Variants in PKD2L1 observed in about 807,000 individuals in gnomAD.
PKD2L1 encodes polycystin 2 like 1, transient receptor potential cation channel, also known as polycystin-2-like protein 1.
A neutral mutation model predicts 93.0 loss-of-function variants in PKD2L1; 77 were observed. The observed-to-expected ratio is 0.83, with a 90% confidence interval of 0.69 to 1.00. The LOEUF is 1.00. PKD2L1 is among the 50% of genes least tolerant of loss of function. The pLI is 0.00. For missense variants in PKD2L1, 977 were observed against 990.9 expected (o/e 0.99, Z 0.19); for synonymous variants, 390 against 388.0 (o/e 1.01, Z -0.06).
chr10:100,296,647 C>T (rs1024299696), intron 6 of PKD2L1, among the ~76,000 whole-genome samples: 1 of 151,222 alleles, frequency 6.6e-6, no homozygotes, highest in East Asian at 1.9e-4. Context: ...GATGAAGGGG[C>T]AGAATATTTG....
intron 4 of PKD2L1, 141 bp from the exon 5 acceptor site, chr10:100,297,747 T>C (rs917026206): frequency 6.7e-6 from 4 of 597,922 alleles, no homozygotes; most frequent in Admixed American, 2.9e-5. Flanking sequence ...TGTGTGTGTA[T>C]GAGATATGTG....
Position 100,297,048 on chromosome 10 carries a change from C to T in PKD2L1, c.1117G>A (p.Glu373Lys). 4 of 1,614,110 alleles carry T rather than the reference C, an allele frequency of 2.5e-6. No homozygotes were observed. Among genetic ancestry groups the T allele is most frequent in the Non-Finnish European group, 3.4e-6 (4 of 1,179,994 alleles). The change falls in exon 6 of 16, where the codon GAG becomes AAG. Residue 373 changes from glutamate (E) to lysine (K), a missense_variant. Transcript: ENST00000318222. Reference protein sequence around the residue: ...IFYYVVEEILELHIHRLRYLS... With the variant: ...IFYYVVEEILKLHIHRLRYLS... ...TAGCGAAGCCGGTGAATGTGGAGCT[C>T]CAGGATCTCTTCCACCACATAGTAG...
Position 100,289,493 on chromosome 10 carries a change from C to T in PKD2L1, c.2251-437G>A, listed in dbSNP as rs547304727. 2.9e-3 allele frequency among the ~76,000 whole-genome samples: 444 copies of T among 152,224 alleles called. 4 individuals carry two copies. Among genetic ancestry groups the T allele is most frequent in the African/African-American group, 0.01 (431 of 41,546 alleles). On this transcript the variant is annotated intron_variant, in intron 14 of 15. Coordinates refer to ENST00000318222, the MANE Select transcript of PKD2L1 (RefSeq NM_016112.3). ...GGCGGAGGTTGCAGTGAGCCGAGAT[C>T]GTGCCATTGCACTCCAGCCTGGCCA...
intron 2 of PKD2L1, among the ~76,000 whole-genome samples, chr10:100,322,431 G>A (rs1849282738): frequency 6.6e-6 from 1 of 151,662 alleles, no homozygotes; most frequent in South Asian, 2.1e-4. Context: ...GGAGGCTGAG[G>A]CAGGACACTG....
chr10:100,290,165 G>T (rs754683684), intron 13 of PKD2L1, 27 bp from the exon 14 acceptor site: 18 of 1,613,344 alleles, frequency 1.1e-5, no homozygotes, highest in African/African-American at 2.7e-5. Context: ...AGAGACGAAT[G>T]GAGCAGAAAT....
intron 4 of PKD2L1, 37 bp from the exon 5 acceptor site, chr10:100,297,643 T>A (rs965220880): frequency 1.2e-5 from 18 of 1,510,868 alleles, no homozygotes; most frequent in Non-Finnish European, 1.2e-5. Context: ...AGCCCAAAAG[T>A]TCATCTCCCA....
intron 2 of PKD2L1, among the ~76,000 whole-genome samples, chr10:100,313,810 A>C (rs2133560939): frequency 6.6e-6 from 1 of 152,306 alleles, no homozygotes; most frequent in Non-Finnish European, 1.5e-5. Flanking sequence ...AAGTGTTGCA[A>C]AATAAAGGCC....
chr10:100,294,816 C>G lies in PKD2L1; in HGVS notation c.1538+126G>C, dbSNP rs73340080. On this transcript the variant is annotated intron_variant, in intron 8 of 15. Transcript: ENST00000318222. ...GCACACACACCAGGGCTTCTGGAGA[C>G]CCTCACACAGATGCTTTGAACACAG... 8.4e-4 allele frequency: 1,088 copies of G among 1,297,536 alleles called. 7 individuals are homozygous for G. In the African/African-American group the frequency reaches 0.014, roughly 17 times the overall value. The allele number at this position is 1,297,536 out of a possible 1,614,324, so 80.4% of individuals were successfully genotyped here.
Position 100,298,704 on chromosome 10 carries a change from C to T in PKD2L1, c.589G>A (p.Val197Ile). Reference sequence around the variant, plus strand: ...ACCTTTAGCTGCCGCAGCCTCGGAACCCCCAGCAGCATGTTCTCATAGTAG... The same window carrying T: ...ACCTTTAGCTGCCGCAGCCTCGGAATCCCCAGCAGCATGTTCTCATAGTAG... ...FIYYENMLLG[V>I]PRLRQLKVRN... The change falls in exon 4 of 16, where the codon GTT (valine) becomes ATT (isoleucine). Residue 197 changes from valine (V) to isoleucine (I), a missense_variant. Physicochemically the swap from Val to Ile is conservative, Grantham distance 29 (BLOSUM62 3). Coordinates refer to ENST00000318222, the MANE Select transcript of PKD2L1 (RefSeq NM_016112.3). 2 of 1,614,106 alleles carry T rather than the reference C, an allele frequency of 1.2e-6. No homozygotes were observed. The highest frequency in any genetic ancestry group is 1.7e-6 in the Non-Finnish European group (2 of 1,180,008).
chr10:100,330,007 C>G lies in PKD2L1; in HGVS notation c.97G>C (p.Gly33Arg), dbSNP rs201665433. 6.2e-7 allele frequency: 1 copy of G among 1,613,786 alleles called. No homozygotes were observed. The highest frequency in any genetic ancestry group is 1.1e-5 in the South Asian group (1 of 91,062). Residue 33 changes from glycine to arginine, a missense_variant, in exon 1 of 16, where the codon GGG becomes CGG. Gly to Arg is a moderately radical substitution (Grantham distance 125). Coordinates refer to ENST00000318222, the MANE Select transcript of PKD2L1 (RefSeq NM_016112.3). Reference sequence around the variant, plus strand: ...GAGATGGTGCAGACTCTCAGCGTCCCGTGTGGGGAAGGGGGACCACTGTAG... The same window carrying G: ...GAGATGGTGCAGACTCTCAGCGTCCGGTGTGGGGAAGGGGGACCACTGTAG... ...PAYSGPPSPH[G>R]TLRVCTISST...
intron 2 of PKD2L1, among the ~76,000 whole-genome samples, chr10:100,301,143 A>G (rs1589667459): frequency 6.6e-6 from 1 of 152,146 alleles, no homozygotes; most frequent in East Asian, 1.9e-4. Flanking sequence ...GAGTGTACGA[A>G]TAGGGTGTGG....
At chr10:100,294,849 G>T in intron 8 of PKD2L1, 93 bp downstream of exon 8, 1 of 1,318,226 alleles carries the variant, frequency 7.6e-7, no homozygotes, top group South Asian at 1.3e-5. Context: ...CAGACATGCA[G>T]ACACGCACGT....
chr10:100,311,756 CT>C (rs1475531933), intron 2 of PKD2L1, among the ~76,000 whole-genome samples: 26 of 152,204 alleles, frequency 1.7e-4, no homozygotes, highest in Admixed American at 1.7e-3. Context: ...CTTCCCTCAA[CT>C]TGTTGACAAA....
At chr10:100,321,808 GAGGA>G (rs765544445) in intron 2 of PKD2L1, among the ~76,000 whole-genome samples, 150 of 6,182 alleles carry the variant, frequency 0.024, 62 homozygotes, top group Middle Eastern at 0.33. Context: ...GGGAGGGAGG[GAGGA>G]AGGAAGGAAA....
At chr10:100,294,802 A>C in intron 8 of PKD2L1, 140 bp downstream of exon 8, 1 of 1,338,506 alleles carries the variant, frequency 7.5e-7, no homozygotes, top group Middle Eastern at 1.9e-4. Context: ...CACACACACC[A>C]GGGCTTCTGG....
Position 100,297,215 on chromosome 10 carries a change from G to T in PKD2L1, c.957-7C>A, listed in dbSNP as rs2278840. 0.4 allele frequency: 646,433 copies of T among 1,611,400 alleles called. 131,275 individuals carry two copies. The highest frequency in any genetic ancestry group is 0.53 in the East Asian group (23,756 of 44,810). ...TGGAAACTCCACCACCAGCCTATAGGGGGAGGGGGAGATGACCTCCAGTGG... is the reference window on the plus strand; with the variant it reads ...TGGAAACTCCACCACCAGCCTATAGTGGGAGGGGGAGATGACCTCCAGTGG... On this transcript the variant is annotated splice_region_variant and splice_polypyrimidine_tract_variant and intron_variant, in intron 5 of 15. Transcript: ENST00000318222.
intron 2 of PKD2L1, among the ~76,000 whole-genome samples, chr10:100,303,868 G>A (rs1848741769): frequency 6.6e-6 from 1 of 152,208 alleles, no homozygotes; most frequent in African/African-American, 2.4e-5. Flanking sequence ...TCCTAATGAA[G>A]CAGGTTGGCT....
chr10:100,313,098 C>T (rs924077064), intron 2 of PKD2L1, among the ~76,000 whole-genome samples: 1 of 152,118 alleles, frequency 6.6e-6, no homozygotes, highest in Non-Finnish European at 1.5e-5. Flanking sequence ...CCACACGCTC[C>T]TGTAGAAGGT....
At chr10:100,306,737 G>A (rs1184690816) in intron 2 of PKD2L1, among the ~76,000 whole-genome samples, 1 of 151,278 alleles carries the variant, frequency 6.6e-6, no homozygotes, top group East Asian at 1.9e-4. Flanking sequence ...CACACCTGTA[G>A]TCCCAGCTAC....
Sources: gnomAD v4.1 joint callset for allele counts (sites outside exome capture counted in the v4.1 genomes callset) on GRCh38, gnomAD v4.1.1 for gene constraint, MANE v1.5 for transcripts, NCBI Gene and HGNC (gene_info 2026-07-23, HGNC 2026-07-21) for gene names.